The following ATF6 variants were observed in gnomAD, a reference collection of about 807,000 sequenced individuals.
The protein encoded by ATF6 is cyclic AMP-dependent transcription factor ATF-6 alpha.
Under a neutral mutation model 83.6 loss-of-function variants are expected in ATF6, and 53 were observed. That is an observed-to-expected ratio of 0.63 (90% confidence interval 0.51 to 0.80). The LOEUF (loss-of-function observed/expected upper bound fraction) is 0.80. Among genes scored for constraint, ATF6 ranks in the 30% least tolerant of loss-of-function variants. The pLI is 0.00. For synonymous variants in ATF6, 288 were observed against 285.8 expected (o/e 1.01, Z -0.08); for missense variants, 744 against 797.9 (o/e 0.93, Z 0.81).
intron 10 of ATF6, among the ~76,000 whole-genome samples, chr1:161,847,229 C>T (rs1686505209): frequency 6.6e-6 from 1 of 152,068 alleles, no homozygotes; most frequent in Non-Finnish European, 1.5e-5. Flanking sequence ...CAAATGGAGC[C>T]AGGTCCTTGA....
chr1:161,829,820 A>G (rs1257563074), intron 9 of ATF6, among the ~76,000 whole-genome samples: 2 of 152,230 alleles, frequency 1.3e-5, no homozygotes, highest in Non-Finnish European at 2.9e-5. Context: ...TAAAAGAGCT[A>G]TTTATGACAA....
At chr1:161,793,123 G>A (rs1199610398) in intron 6 of ATF6, among the ~76,000 whole-genome samples, 1 of 152,172 alleles carries the variant, frequency 6.6e-6, no homozygotes, top group East Asian at 1.9e-4. Context: ...TGTTACATTT[G>A]TACTGTATCT....
intron 7 of ATF6, among the ~76,000 whole-genome samples, chr1:161,815,980 G>A (rs901329606): frequency 6.6e-6 from 1 of 152,166 alleles, no homozygotes; most frequent in African/African-American, 2.4e-5. Flanking sequence ...AAATGTGGAC[G>A]TACTTGAAAC....
chr1:161,942,286 T>C (rs1452000204), intron 15 of ATF6, among the ~76,000 whole-genome samples: 1 of 152,174 alleles, frequency 6.6e-6, no homozygotes, highest in Non-Finnish European at 1.5e-5. Context: ...CTATGAAGAA[T>C]GCAGTTTATT....
intron 1 of ATF6, among the ~76,000 whole-genome samples, chr1:161,767,288 C>T (rs1337688108): frequency 6.6e-6 from 1 of 152,158 alleles, no homozygotes; most frequent in Non-Finnish European, 1.5e-5. Flanking sequence ...ATCTTTCTCC[C>T]TTGGATCAGC....
intron 8 of ATF6, 68 bp downstream of exon 8, chr1:161,819,886 CT>C: frequency 7.6e-7 from 1 of 1,319,896 alleles, no homozygotes; most frequent in Non-Finnish European, 1.0e-6. Flanking sequence ...AATAGAGAAA[CT>C]TTTACATTTT....
At chr1:161,941,460 C>T (rs903901164) in intron 15 of ATF6, among the ~76,000 whole-genome samples, 2 of 152,172 alleles carry the variant, frequency 1.3e-5, no homozygotes, top group Non-Finnish European at 2.9e-5. Context: ...CTTAGACTTG[C>T]CTTCACTGCT....
chr1:161,863,332 A>C lies in ATF6; in HGVS notation c.1719+20A>C. 1 of 1,507,074 alleles carries C rather than the reference A, an allele frequency of 6.6e-7. No homozygotes were observed. Among genetic ancestry groups the C allele is most frequent in the African/African-American group, 1.4e-5 (1 of 72,774 alleles). 93.4% of individuals were successfully genotyped at this position (1,507,074 alleles called of 1,614,324 possible). ...CGAAGGGTAAGTTCATCTTGAAAGA[A>C]TAGAGCAAATATTTTTGAGTGCTTG... On this transcript the variant is annotated intron_variant, in intron 14 of 15. Transcript: ENST00000367942.
At chr1:161,941,263 C>T (rs1688636830) in intron 15 of ATF6, among the ~76,000 whole-genome samples, 1 of 152,314 alleles carries the variant, frequency 6.6e-6, no homozygotes, top group East Asian at 1.9e-4. Context: ...ATTCATTGCT[C>T]TGTTAGGATT....
chr1:161,836,946 A>G (rs1302627646), intron 9 of ATF6, among the ~76,000 whole-genome samples: 2 of 152,334 alleles, frequency 1.3e-5, no homozygotes, highest in South Asian at 2.1e-4. Context: ...TGAGAAAACT[A>G]CTATCAGAGT....
intron 4 of ATF6, among the ~76,000 whole-genome samples, chr1:161,790,906 C>T (rs1684860594): frequency 6.6e-6 from 1 of 152,048 alleles, no homozygotes; most frequent in South Asian, 2.1e-4. Flanking sequence ...GGCAGTATTA[C>T]AAAATAGAAA....
chr1:161,785,848 AAT>A (rs1345238518), intron 4 of ATF6, among the ~76,000 whole-genome samples: 1 of 152,152 alleles, frequency 6.6e-6, no homozygotes, highest in Non-Finnish European at 1.5e-5. Flanking sequence ...ATCACTCCAC[AAT>A]AGGTTTTGTT....
chr1:161,860,409 GATATAT>G (rs750595099), intron 13 of ATF6, 132 bp downstream of exon 13: 35 of 260,296 alleles, frequency 1.3e-4, no homozygotes, highest in Non-Finnish European at 2.3e-4. Context: ...TATACTCTAA[GATATAT>G]ATATATATGT....
intron 14 of ATF6, among the ~76,000 whole-genome samples, chr1:161,902,266 G>T (rs1208971908): frequency 6.6e-6 from 1 of 152,176 alleles, no homozygotes; most frequent in African/African-American, 2.4e-5. Context: ...TTTTTCTTGA[G>T]ATAGCCATTA....
intron 15 of ATF6, among the ~76,000 whole-genome samples, chr1:161,932,590 C>T (rs1688455584): frequency 6.6e-6 from 1 of 152,196 alleles, no homozygotes; most frequent in Non-Finnish European, 1.5e-5. Context: ...AGCTGATCTA[C>T]TTCATTAAAA....
chr1:161,820,530 A>T (rs1397194930), intron 8 of ATF6, among the ~76,000 whole-genome samples: 3 of 152,164 alleles, frequency 2.0e-5, no homozygotes, highest in African/African-American at 7.2e-5. Flanking sequence ...AGGCAGGCGG[A>T]TCACAAGGTC....
intron 12 of ATF6, among the ~76,000 whole-genome samples, chr1:161,857,378 T>G (rs1435302888): frequency 6.6e-6 from 1 of 152,192 alleles, no homozygotes; most frequent in African/African-American, 2.4e-5. Flanking sequence ...ATCTAAGCAT[T>G]ATGTCTTTGA....
intron 14 of ATF6, among the ~76,000 whole-genome samples, chr1:161,893,718 G>GA (rs1284456119): frequency 6.6e-6 from 1 of 152,180 alleles, no homozygotes; most frequent in Non-Finnish European, 1.5e-5. Context: ...CATACCATTT[G>GA]ACAGGCTTTA....
chr1:161,817,294 A>G (rs1685634837), intron 7 of ATF6, among the ~76,000 whole-genome samples: 1 of 152,230 alleles, frequency 6.6e-6, no homozygotes, highest in Admixed American at 6.5e-5. Context: ...AACTTTTAGT[A>G]TAAACTCTTC....
Sources: gnomAD v4.1 joint callset for allele counts (sites outside exome capture counted in the v4.1 genomes callset) on GRCh38, gnomAD v4.1.1 for gene constraint, MANE v1.5 for transcripts, NCBI Gene and HGNC (gene_info 2026-07-23, HGNC 2026-07-21) for gene names.